Variants in EFL1 observed in about 807,000 individuals in gnomAD.
EFL1 encodes the protein elongation factor-like GTPase 1.
EFL1 carries 76 observed loss-of-function variants against 126.7 expected under a neutral mutation model. The observed-to-expected ratio is 0.60, with a 90% CI of 0.50 to 0.73. The LOEUF (loss-of-function observed/expected upper bound fraction) is 0.73, where lower values mean the gene tolerates loss of function less well. Ranked by LOEUF, EFL1 falls within the 30% of genes least tolerant of loss-of-function variation. The pLI is 0.00. For synonymous variants in EFL1, 410 were observed against 448.4 expected, an observed-to-expected ratio of 0.91 and a Z score of 1.08; for missense variants, 1,128 against 1,343.2, an observed-to-expected ratio of 0.84 and a Z score of 2.50.
intron 3 of EFL1, among the ~76,000 whole-genome samples, chr15:82,256,138 C>T (rs914042586): frequency 2.6e-5 from 4 of 152,062 alleles, no homozygotes; most frequent in African/African-American, 4.8e-5. Context: ...GAAGAGATGG[C>T]GTCTTGTGCT....
intron 15 of EFL1, among the ~76,000 whole-genome samples, chr15:82,189,387 G>C (rs1271094258): frequency 1.3e-5 from 2 of 152,126 alleles, no homozygotes; most frequent in African/African-American, 4.8e-5. Flanking sequence ...TACCCATATG[G>C]AGCTTACATT....
At chr15:82,169,390 C>G (rs553795599) in intron 15 of EFL1, among the ~76,000 whole-genome samples, 1 of 151,740 alleles carries the variant, frequency 6.6e-6, no homozygotes. Context: ...TTTCTTGGAG[C>G]ATAAATTGGG....
At chr15:82,191,580 A>T (rs528740611) in intron 15 of EFL1, among the ~76,000 whole-genome samples, 13 of 150,104 alleles carry the variant, frequency 8.7e-5, no homozygotes, top group Middle Eastern at 3.4e-3. Context: ...TAGTGCTTGG[A>T]TGAGGGCAAG....
chr15:82,200,454 G>C (rs187174072), intron 15 of EFL1, among the ~76,000 whole-genome samples: 13 of 152,256 alleles, frequency 8.5e-5, no homozygotes, highest in Admixed American at 7.8e-4. Context: ...CAGCTTCTGG[G>C]GGGTAATCTT....
chr15:82,182,084 C>A (rs2074257401), intron 15 of EFL1, among the ~76,000 whole-genome samples: 1 of 152,038 alleles, frequency 6.6e-6, no homozygotes, highest in Non-Finnish European at 1.5e-5. Context: ...ATAGCAAAAC[C>A]CCATTTTTAC....
At position 82,152,127 on chromosome 15, in the gene EFL1, A is replaced by G. The variant is rs2073917612; in HGVS notation, c.2327T>C (p.Met776Thr). The G allele has an allele frequency of 6.2e-7, 1 of 1,614,048 alleles. No homozygotes were observed. Among genetic ancestry groups the G allele is most frequent in the Non-Finnish European group, 8.5e-7 (1 of 1,180,046 alleles). The change falls in exon 18 of 20, where the codon ATG becomes ACG. Residue 776 changes from methionine (M) to threonine (T), a missense_variant. Met to Thr is a moderately conservative substitution (Grantham distance 81, BLOSUM62 -1). Coordinates refer to ENST00000268206, the MANE Select transcript of EFL1 (RefSeq NM_024580.6). The stretch of plus-strand genomic sequence containing the variant: ...ATTCAAAGAGGATGTCAACTGCTCC[A>G]TAGAACGAATCAAATCACTATTTTC... ...LEENSDLIRS[M>T]EQLTSSLNEG...
chr15:82,158,677 T>C (rs1312974684), intron 16 of EFL1, among the ~76,000 whole-genome samples: 2 of 152,134 alleles, frequency 1.3e-5, no homozygotes, highest in Non-Finnish European at 2.9e-5. Context: ...ACAAACAAAA[T>C]CACAGGAACT....
chr15:82,187,139 G>T (rs1181547003), intron 15 of EFL1, among the ~76,000 whole-genome samples: 1 of 152,166 alleles, frequency 6.6e-6, no homozygotes, highest in African/African-American at 2.4e-5. Flanking sequence ...AAGTTTGCAG[G>T]GGATGATAAG....
intron 15 of EFL1, among the ~76,000 whole-genome samples, chr15:82,176,705 C>T (rs564090101): frequency 2.0e-4 from 31 of 152,292 alleles, no homozygotes; most frequent in Middle Eastern, 3.4e-3. Context: ...CTTTCAGATA[C>T]CCCTGGTGGA....
chr15:82,177,606 A>G (rs755024320), intron 15 of EFL1, among the ~76,000 whole-genome samples: 1 of 152,160 alleles, frequency 6.6e-6, no homozygotes, highest in East Asian at 1.9e-4. Flanking sequence ...TACCCATTGG[A>G]AGACGCTCAA....
chr15:82,183,334 A>G (rs1459092027), intron 15 of EFL1, among the ~76,000 whole-genome samples: 1 of 152,204 alleles, frequency 6.6e-6, no homozygotes, highest in East Asian at 1.9e-4. Context: ...ATAAAAATAA[A>G]CTTGGCAGCA....
intron 19 of EFL1, among the ~76,000 whole-genome samples, chr15:82,134,741 C>A (rs1423321760): frequency 6.6e-6 from 1 of 152,244 alleles, no homozygotes; most frequent in East Asian, 1.9e-4. Context: ...TACAACAGCA[C>A]TGGTTGGTAA....
At chr15:82,249,670 T>G (rs1437231166) in intron 4 of EFL1, among the ~76,000 whole-genome samples, 1 of 152,116 alleles carries the variant, frequency 6.6e-6, no homozygotes, top group Non-Finnish European at 1.5e-5. Flanking sequence ...ATGGTATCCT[T>G]GTGGGTGGGA....
intron 17 of EFL1, among the ~76,000 whole-genome samples, chr15:82,155,886 C>T (rs1183409337): frequency 7.2e-5 from 11 of 152,098 alleles, no homozygotes. Flanking sequence ...TATGAAGTAC[C>T]TCTTCAAGTC....
In EFL1 at chr15:82,159,100, G is replaced by T. The variant is rs1194004215; in HGVS notation, c.1883-1240C>A. Among the ~76,000 whole-genome samples the T allele has an allele frequency of 2.0e-5, 3 of 152,304 alleles. No individual in the cohort carries two copies. In the East Asian group the frequency reaches 5.8e-4, roughly 29 times the overall value. On this transcript the variant is annotated intron_variant, in intron 16 of 19. Transcript: ENST00000268206. Reference sequence around the variant, plus strand: ...GGAAGACGGAAAGTGGGATTTCACTGTGTCCAGGGTTGACAGAGGCACCTT... The same window carrying T: ...GGAAGACGGAAAGTGGGATTTCACTTTGTCCAGGGTTGACAGAGGCACCTT...
chr15:82,261,912 C>T (rs2075125094), intron 1 of EFL1, 115 bp from the exon 2 acceptor site: 3 of 697,348 alleles, frequency 4.3e-6, no homozygotes, highest in South Asian at 2.0e-5. Flanking sequence ...AAACCAAGAA[C>T]CCAGTGAATG....
At chr15:82,197,191 T>C (rs551089327) in intron 15 of EFL1, among the ~76,000 whole-genome samples, 53 of 152,336 alleles carry the variant, frequency 3.5e-4, no homozygotes, top group Middle Eastern at 6.8e-3. Flanking sequence ...AAACAACTAT[T>C]ATACAATAAA....
At position 82,230,908 on chromosome 15, in the gene EFL1, T is replaced by A. The variant is rs377206914; in HGVS notation, c.795A>T (p.Lys265Asn). Residue 265 changes from lysine to asparagine, a missense_variant, in exon 8 of 20, where the codon AAA (lysine) becomes AAT (asparagine). Physicochemically the swap from Lys to Asn is moderately conservative, Grantham distance 94. Coordinates refer to ENST00000268206, the MANE Select transcript of EFL1 (RefSeq NM_024580.6). ...KIGIKKEVLM[K>N]TLWGDYYINM... Reference sequence around the variant, plus strand: ...TTATATAGTAATCTCCCCACAAGGTTTTCATAAGAACTTCCTTTTTGATGC... The same window carrying A: ...TTATATAGTAATCTCCCCACAAGGTATTCATAAGAACTTCCTTTTTGATGC... 5.6e-4 allele frequency: 909 copies of A among 1,613,550 alleles called. 12 individuals are homozygous for A. The South Asian group carries it at 9.0e-3, about 16-fold the overall frequency.
intron 6 of EFL1, 32 bp downstream of exon 6, chr15:82,240,386 C>A (rs747636344): frequency 1.3e-6 from 2 of 1,543,016 alleles, no homozygotes; most frequent in Non-Finnish European, 1.7e-6. Flanking sequence ...TTCTTCGTGG[C>A]TAAATTTTTT....
Sources: gnomAD v4.1 joint callset for allele counts (sites outside exome capture counted in the v4.1 genomes callset) on GRCh38, gnomAD v4.1.1 for gene constraint, MANE v1.5 for transcripts, NCBI Gene and HGNC (gene_info 2026-07-23, HGNC 2026-07-21) for gene names.